The following CNTN3 variants were observed in gnomAD, a reference collection of about 807,000 sequenced individuals.
CNTN3 encodes contactin 3, also known as contactin-3.
A neutral mutation model predicts 119.1 loss-of-function variants in CNTN3; 60 were observed. The observed-to-expected ratio is 0.50, with a 90% CI of 0.41 to 0.62. CNTN3 has a LOEUF of 0.62. CNTN3 is among the 20% of genes least tolerant of loss of function. The probability of loss-of-function intolerance (pLI) is 0.00; values close to 1 mark genes in which losing one functional copy is unlikely to be tolerated. For missense variants in CNTN3, 1,101 were observed against 1,242.4 expected (o/e 0.89, Z 1.71); for synonymous variants, 450 against 438.7 (o/e 1.03, Z -0.32).
At chr3:74,410,499 A>G (rs1172881482) in intron 5 of CNTN3, among the ~76,000 whole-genome samples, 2 of 152,200 alleles carry the variant, frequency 1.3e-5, no homozygotes, top group Non-Finnish European at 2.9e-5. Context: ...TAATACAGAG[A>G]GAAAAGGTCA....
At chr3:74,372,975 T>C (rs1002982081) in intron 5 of CNTN3, among the ~76,000 whole-genome samples, 1 of 152,204 alleles carries the variant, frequency 6.6e-6, no homozygotes, top group Non-Finnish European at 1.5e-5. Context: ...TGCAAATGCT[T>C]GATGTTTCCA....
intron 20 of CNTN3, among the ~76,000 whole-genome samples, chr3:74,274,072 C>T (rs892481552): frequency 6.6e-6 from 1 of 152,036 alleles, no homozygotes; most frequent in Non-Finnish European, 1.5e-5. Flanking sequence ...CATGACTCTG[C>T]AGAGGCAGCC....
At chr3:74,536,030 A>C (rs1383484151) in intron 1 of CNTN3, among the ~76,000 whole-genome samples, 1 of 152,138 alleles carries the variant, frequency 6.6e-6, no homozygotes, top group African/African-American at 2.4e-5. Flanking sequence ...TTTTTAAAAA[A>C]ATTTCTTACT....
chr3:74,556,912 G>A (rs1278525400), intron 1 of CNTN3, among the ~76,000 whole-genome samples: 2 of 152,098 alleles, frequency 1.3e-5, no homozygotes, highest in African/African-American at 4.8e-5. Context: ...ATGTTTTCAT[G>A]TGCTTATTGG....
chr3:74,297,722 G>C (rs1702370504), intron 18 of CNTN3, among the ~76,000 whole-genome samples: 1 of 152,142 alleles, frequency 6.6e-6, no homozygotes, highest in Admixed American at 6.5e-5. Context: ...TAGTGAATTG[G>C]GGTCCTGAGG....
chr3:74,391,249 A>G (rs1020602826), intron 5 of CNTN3, among the ~76,000 whole-genome samples: 1 of 152,212 alleles, frequency 6.6e-6, no homozygotes, highest in African/African-American at 2.4e-5. Context: ...ATACTACCAT[A>G]AAGACATAGC....
At chr3:74,294,423 TG>T in intron 19 of CNTN3, among the ~76,000 whole-genome samples, 1 of 152,132 alleles carries the variant, frequency 6.6e-6, no homozygotes. Context: ...CTTTGGCAGG[TG>T]GGCCTCTACT....
chr3:74,366,778 G>GTATATATATATATATATATATACATA (rs1485995990), intron 8 of CNTN3, among the ~76,000 whole-genome samples: 1 of 40,884 alleles, frequency 2.4e-5, no homozygotes, highest in Non-Finnish European at 4.3e-5. Flanking sequence ...GTGTGTGTGT[G>GTATATATATATATATATATATACATA]TGTATATATA....
At chr3:74,510,789 C>G (rs1295612703) in intron 2 of CNTN3, among the ~76,000 whole-genome samples, 1 of 152,024 alleles carries the variant, frequency 6.6e-6, no homozygotes, top group Non-Finnish European at 1.5e-5. Context: ...ATTTAGTTAA[C>G]AAGTAATCAA....
intron 5 of CNTN3, among the ~76,000 whole-genome samples, chr3:74,410,749 T>C (rs114807746): frequency 0.018 from 2,685 of 152,202 alleles, 79 homozygotes; most frequent in African/African-American, 0.06. Flanking sequence ...TTACAGATGA[T>C]TGATGGACTA....
intron 11 of CNTN3, among the ~76,000 whole-genome samples, chr3:74,348,441 T>A (rs1050198863): frequency 6.6e-6 from 1 of 152,192 alleles, no homozygotes; most frequent in African/African-American, 2.4e-5. Context: ...GGGAAAGTGA[T>A]GGTGTCTTCA....
chr3:74,352,125 C>T (rs1703829345), intron 11 of CNTN3, among the ~76,000 whole-genome samples: 1 of 152,198 alleles, frequency 6.6e-6, no homozygotes. Context: ...TTCTTATTTT[C>T]ACGATCATAT....
chr3:74,392,690 T>C (rs1489436879), intron 5 of CNTN3, among the ~76,000 whole-genome samples: 1 of 152,090 alleles, frequency 6.6e-6, no homozygotes, highest in Non-Finnish European at 1.5e-5. Context: ...CACAAACATA[T>C]ATTAGAAAGA....
In CNTN3 at chr3:74,364,637, C is replaced by T. The variant is rs780654311; in HGVS notation, c.1084-41G>A. ...AATATCTTTCATATAAACAAACATA[C>T]CACTTTAGAATAAAAATGAACTGAC... is the stretch of plus-strand genomic sequence containing the variant. On this transcript the variant is annotated intron_variant, in intron 9 of 22. Transcript: ENST00000263665. The T allele has an allele frequency of 3.4e-5, 51 of 1,512,982 alleles. No homozygotes were observed. In the South Asian group the frequency reaches 5.6e-4, roughly 17 times the overall value. 93.7% of individuals were successfully genotyped at this position (1,512,982 alleles called of 1,614,324 possible).
intron 2 of CNTN3, among the ~76,000 whole-genome samples, chr3:74,513,528 A>T (rs2107108532): frequency 6.6e-6 from 1 of 152,212 alleles, no homozygotes; most frequent in Non-Finnish European, 1.5e-5. Context: ...CCAAACAGTC[A>T]CAAAGTTCAG....
chr3:74,510,939 C>G (rs1402448967), intron 2 of CNTN3, among the ~76,000 whole-genome samples: 1 of 151,912 alleles, frequency 6.6e-6, no homozygotes, highest in Non-Finnish European at 1.5e-5. Flanking sequence ...AGAACCTGGG[C>G]TAGTTTGTTT....
chr3:74,431,381 T>C (rs1701780672), intron 4 of CNTN3, among the ~76,000 whole-genome samples: 1 of 152,138 alleles, frequency 6.6e-6, no homozygotes, highest in African/African-American at 2.4e-5. Flanking sequence ...AAATACCACT[T>C]GGTATAACTG....
At chr3:74,355,804 T>C (rs765629370) in intron 11 of CNTN3, among the ~76,000 whole-genome samples, 6 of 152,078 alleles carry the variant, frequency 3.9e-5, no homozygotes, top group Non-Finnish European at 8.8e-5. Context: ...TCTACTTTGA[T>C]TTTATTCTGT....
intron 3 of CNTN3, among the ~76,000 whole-genome samples, chr3:74,494,202 C>G (rs923948309): frequency 5.9e-5 from 9 of 152,070 alleles, no homozygotes; most frequent in Non-Finnish European, 1.0e-4. Flanking sequence ...CTCAACCTTA[C>G]CGATTGCTTA....
Sources: gnomAD v4.1 joint callset for allele counts (sites outside exome capture counted in the v4.1 genomes callset) on GRCh38, gnomAD v4.1.1 for gene constraint, MANE v1.5 for transcripts, NCBI Gene and HGNC (gene_info 2026-07-23, HGNC 2026-07-21) for gene names.